ZWILCH: variants seen among roughly 807,000 people sequenced by gnomAD.
The protein encoded by ZWILCH is zwilch kinetochore protein.
In ZWILCH, 74 loss-of-function variants were observed where a neutral mutation model predicts 79.9. The ratio of observed to expected loss-of-function variants is 0.93; its 90% confidence interval spans 0.77 to 1.12. The LOEUF (loss-of-function observed/expected upper bound fraction) is 1.12, where lower values mean the gene tolerates loss of function less well. Among genes scored for constraint, ZWILCH ranks in the 50% most tolerant of loss-of-function variants. The pLI is 0.00. For synonymous variants in ZWILCH, 241 were observed against 228.2 expected, an observed-to-expected ratio of 1.06 and a Z score of -0.51; for missense variants, 694 against 687.5, an observed-to-expected ratio of 1.01 and a Z score of -0.11.
At chr15:66,505,511 G>T (rs374547281) in intron 1 of ZWILCH, 120 bp downstream of exon 1, 3 of 1,272,480 alleles carry the variant, frequency 2.4e-6, no homozygotes, top group Middle Eastern at 3.8e-4. Context: ...AGCTTTCCTG[G>T]GGTCCAGGAG....
In ZWILCH at chr15:66,548,531, T is replaced by C; in HGVS notation, c.*207T>C. On this transcript the variant is annotated 3_prime_UTR_variant, in exon 19 of 19. Coordinates refer to ENST00000307897, the MANE Select transcript of ZWILCH (RefSeq NM_017975.5). ...AGGAGGAGCATTAGTAGAACAGCAG[T>C]GATGAGGACACAGAGGGAGCAGACA... 1 of 1,613,264 alleles carries C rather than the reference T, an allele frequency of 6.2e-7. No homozygotes were observed. Among genetic ancestry groups the C allele is most frequent in the Non-Finnish European group, 8.5e-7 (1 of 1,179,288 alleles).
intron 8 of ZWILCH, among the ~76,000 whole-genome samples, chr15:66,526,585 G>A (rs568201564): frequency 1.3e-5 from 2 of 151,630 alleles, no homozygotes; most frequent in Non-Finnish European, 2.9e-5. Flanking sequence ...TCAGCCTCCC[G>A]AGTAGCTGGG....
rs1248491175 is a variant in ZWILCH at position 66,505,352 on chromosome 15, T to C, written c.14T>C (p.Leu5Pro). Reference sequence around the variant, plus strand: ...CATTGGGGCGGGATGTGGGAGCGGCTGAACTGCGCAGCAGAGGACTTTTAT... The same window carrying C: ...CATTGGGGCGGGATGTGGGAGCGGCCGAACTGCGCAGCAGAGGACTTTTAT... MWER[L>P]NCAAEDFYSR... The change falls in exon 1 of 19, where the codon CTG becomes CCG. Residue 5 changes from leucine to proline, a missense_variant. Physicochemically the swap from Leu to Pro is moderately conservative, Grantham distance 98. Coordinates refer to ENST00000307897, the MANE Select transcript of ZWILCH (RefSeq NM_017975.5). The C allele has an allele frequency of 1.2e-6, 2 of 1,614,058 alleles. No individual in the cohort carries two copies. Among genetic ancestry groups the C allele is most frequent in the South Asian group, 2.2e-5 (2 of 91,070 alleles).
At chr15:66,524,073 C>T (rs1355470794) in intron 8 of ZWILCH, among the ~76,000 whole-genome samples, 1 of 152,096 alleles carries the variant, frequency 6.6e-6, no homozygotes, top group Non-Finnish European at 1.5e-5. Context: ...GTTGTTTCTA[C>T]TTTGTGGCTA....
In ZWILCH at chr15:66,532,989, G is replaced by A; in HGVS notation, c.1317G>A (p.Gln439=). Residue 439 remains glutamine (Q), a synonymous_variant, in exon 14 of 19, where the codon CAG becomes CAA. Coordinates refer to ENST00000307897, the MANE Select transcript of ZWILCH (RefSeq NM_017975.5). The stretch of plus-strand genomic sequence containing the variant: ...GTATGTGTTTTTTCTTAATAGGTCA[G>A]GAACTTGCATCTTTGAATCATTTGG... ...KKDYISFFIG[Q]ELASLNHLEY... is the part of the protein sequence containing the mutation. 1 of 1,576,042 alleles carries A rather than the reference G, an allele frequency of 6.3e-7. No homozygotes were observed. The highest frequency in any genetic ancestry group is 8.6e-7 in the Non-Finnish European group (1 of 1,158,456).
rs79006708 is a variant in ZWILCH, at chr15:66,516,176, A to G, written c.320+532A>G. Among the ~76,000 whole-genome samples, 113 of 152,296 alleles carry G rather than the reference A, an allele frequency of 7.4e-4. 1 individual carries two copies. The East Asian group carries it at 0.022, about 29-fold the overall frequency. ...GGCATTTAGTGCACCTGCGCCGTGG[A>G]TGGTAAACATCCTGCAATGCATGGG... On this transcript the variant is annotated intron_variant, in intron 4 of 18. Transcript: ENST00000307897.
chr15:66,548,283 G>T, intron 18 of ZWILCH, 68 bp from the exon 19 acceptor site: 1 of 371,614 alleles, frequency 2.7e-6, no homozygotes, highest in Non-Finnish European at 4.8e-6. Context: ...ACTTTAGGAG[G>T]GGTGAGATTA....
Position 66,514,024 on chromosome 15 carries a change from C to A in ZWILCH, c.142C>A (p.Pro48Thr), listed in dbSNP as rs1595905134. ...VQVQLISKGQ[P>T]NPLKNILNEN... The stretch of plus-strand genomic sequence containing the variant: ...AGTGCAGTTGATCAGCAAAGGCCAA[C>A]CAAACCCTTTGAAAAATATTCTAAA... The change falls in exon 3 of 19, where the codon CCA (proline) becomes ACA (threonine). Residue 48 changes from proline to threonine, a missense_variant. Coordinates refer to ENST00000307897, the MANE Select transcript of ZWILCH (RefSeq NM_017975.5). 1 of 1,612,722 alleles carries A rather than the reference C, an allele frequency of 6.2e-7. No individual in the cohort carries two copies. Among genetic ancestry groups the A allele is most frequent in the African/African-American group, 1.3e-5 (1 of 75,000 alleles).
intron 8 of ZWILCH, among the ~76,000 whole-genome samples, chr15:66,525,419 A>G (rs553230245): frequency 3.3e-5 from 5 of 152,244 alleles, no homozygotes; most frequent in South Asian, 2.1e-4. Context: ...TCAACCCCCT[A>G]TATTTTATAA....
chr15:66,506,356 T>C (rs1483644673), intron 1 of ZWILCH, among the ~76,000 whole-genome samples: 1 of 152,208 alleles, frequency 6.6e-6, no homozygotes, highest in African/African-American at 2.4e-5. Flanking sequence ...AGTATTTCAC[T>C]CTATGGCTGT....
rs556525787 is a variant in ZWILCH, at chr15:66,550,021, A to T, written c.*1697A>T. The T allele has an allele frequency of 2.6e-6, 4 of 1,534,786 alleles. No individual in the cohort carries two copies. In the South Asian group the frequency reaches 5.0e-5, roughly 19 times the overall value. ...TTTAGTTTAATTATTAAAGGAAAACATTGAAATATACTGACTCACCTGCAG... is the reference window on the plus strand; with the variant it reads ...TTTAGTTTAATTATTAAAGGAAAACTTTGAAATATACTGACTCACCTGCAG... On this transcript the variant is annotated 3_prime_UTR_variant, in exon 19 of 19. Transcript: ENST00000307897.
At chr15:66,510,396 AAAAT>A (rs1208483846) in intron 2 of ZWILCH, among the ~76,000 whole-genome samples, 2 of 149,670 alleles carry the variant, frequency 1.3e-5, no homozygotes, top group East Asian at 1.9e-4. Flanking sequence ...AAAAAAAAAA[AAAAT>A]ATCAATGAGA....
At chr15:66,528,505 TCTA>T (rs1285350948) in intron 10 of ZWILCH, among the ~76,000 whole-genome samples, 1 of 152,180 alleles carries the variant, frequency 6.6e-6, no homozygotes, top group Non-Finnish European at 1.5e-5. Context: ...ATAAAATGGC[TCTA>T]CTATCATATA....
chr15:66,537,187 A>G lies in ZWILCH; in HGVS notation c.1498A>G (p.Lys500Glu). Residue 500 changes from lysine to glutamate, a missense_variant, in exon 16 of 19, where the codon AAA (lysine) becomes GAA (glutamate). By Grantham distance (56) the Lys-to-Glu change is moderately conservative. Transcript: ENST00000307897. ...SLTQICIKYYKQNPLDEQHIF... is the reference protein window; with the variant it reads ...SLTQICIKYYEQNPLDEQHIF... ...TTTCAGGATCTGCATAAAGTATTAC[A>G]AACAAAATCCTCTTGATGAGCAACA... is the stretch of plus-strand genomic sequence containing the variant. The G allele has an allele frequency of 6.2e-7, 1 of 1,613,548 alleles. No individual in the cohort carries two copies. The highest frequency in any genetic ancestry group is 8.5e-7 in the Non-Finnish European group (1 of 1,179,868).
chr15:66,511,829 G>A (rs1200002090), intron 2 of ZWILCH, among the ~76,000 whole-genome samples: 2 of 152,018 alleles, frequency 1.3e-5, no homozygotes, highest in African/African-American at 2.4e-5. Flanking sequence ...TAGCCAGGCT[G>A]GTCTCAAACT....
At chr15:66,525,971 C>T (rs1271421555) in intron 8 of ZWILCH, among the ~76,000 whole-genome samples, 1 of 151,814 alleles carries the variant, frequency 6.6e-6, no homozygotes, top group Non-Finnish European at 1.5e-5. Context: ...GCCACGTTGG[C>T]CAGGCTGGTC....
At chr15:66,531,466 A>G (rs1359478063) in intron 12 of ZWILCH, among the ~76,000 whole-genome samples, 2 of 151,766 alleles carry the variant, frequency 1.3e-5, no homozygotes, top group Admixed American at 1.3e-4. Context: ...ATTTTATTTT[A>G]TTTTATTTTT....
intron 1 of ZWILCH, among the ~76,000 whole-genome samples, chr15:66,506,679 TA>T (rs1305135751): frequency 6.6e-6 from 1 of 151,688 alleles, no homozygotes; most frequent in East Asian, 1.9e-4. Context: ...TAAATAAAAA[TA>T]AAAATCTCCT....
chr15:66,509,071 C>G (rs983970913), intron 2 of ZWILCH, among the ~76,000 whole-genome samples, 179 bp downstream of exon 2: 2 of 152,156 alleles, frequency 1.3e-5, no homozygotes, highest in Non-Finnish European at 2.9e-5. Context: ...TCCCGAGTAG[C>G]TGGAACTACA....
Sources: allele counts gnomAD v4.1 joint callset (sites outside exome capture counted in the v4.1 genomes callset), GRCh38; gene constraint gnomAD v4.1.1; transcripts MANE v1.5; gene names NCBI Gene and HGNC (gene_info 2026-07-23, HGNC 2026-07-21).